The following GABRA3 variants were observed in gnomAD, a reference collection of about 807,000 sequenced individuals.
The protein encoded by GABRA3 is gamma-aminobutyric acid receptor subunit alpha-3.
Under a neutral mutation model 30.1 loss-of-function variants are expected in GABRA3, and 10 were observed. The ratio of observed to expected loss-of-function variants is 0.33; its 90% CI spans 0.20 to 0.56. The LOEUF is 0.56. Ranked by LOEUF, GABRA3 falls within the 20% of genes least tolerant of loss-of-function variation. The pLI is 0.89. For synonymous variants in GABRA3, 151 were observed against 146.8 expected, an observed-to-expected ratio of 1.03 and a Z score of -0.21; for missense variants, 233 against 392.0, an observed-to-expected ratio of 0.59 and a Z score of 3.42.
chrX:152,406,821 T>C (rs1460114742), intron 1 of GABRA3, among the ~76,000 whole-genome samples: 1 of 110,669 alleles, frequency 9.0e-6, no homozygotes, highest in East Asian at 2.8e-4. Context: ...ACTAAGCACA[T>C]GGAACATTCT....
At chrX:152,328,362 T>A (rs1207930893) in intron 3 of GABRA3, among the ~76,000 whole-genome samples, 1 of 111,561 alleles carries the variant, frequency 9.0e-6, no homozygotes, top group Admixed American at 9.5e-5. Flanking sequence ...GGCTAGCATC[T>A]TCCTCATACC....
chrX:152,192,640 A>G (rs1270010302), intron 8 of GABRA3, among the ~76,000 whole-genome samples: 1 of 111,574 alleles, frequency 9.0e-6, no homozygotes, highest in Non-Finnish European at 1.9e-5. Flanking sequence ...GATATTTCAG[A>G]CCACAGCATT....
intron 1 of GABRA3, among the ~76,000 whole-genome samples, chrX:152,365,031 T>C (rs140125864): frequency 0.016 from 1,827 of 111,868 alleles, 16 homozygotes; most frequent in South Asian, 0.03. Flanking sequence ...TCCAATTCCC[T>C]GTTTGATCTT....
intron 1 of GABRA3, among the ~76,000 whole-genome samples, chrX:152,450,402 A>C (rs1290594260): frequency 9.7e-6 from 1 of 102,965 alleles, no homozygotes; most frequent in East Asian, 3.0e-4. Flanking sequence ...GGGGTATCTC[A>C]ATCTCTGATC....
Position 152,337,840 on chromosome X carries a change from A to G in GABRA3, c.262+7741T>C, listed in dbSNP as rs760451497. On this transcript the variant is annotated intron_variant, in intron 3 of 9. Transcript: ENST00000370314. Reference sequence around the variant, plus strand: ...CCTTACAAAAAATTAAAAAACAAACAACAAATAAAAACAGAAAAAAGAGAT... The same window carrying G: ...CCTTACAAAAAATTAAAAAACAAACGACAAATAAAAACAGAAAAAAGAGAT... 4.5e-5 allele frequency among the ~76,000 whole-genome samples: 5 copies of G among 111,535 alleles called. No individual in the cohort carries two copies. The Admixed American group carries it at 4.8e-4, about 11-fold the overall frequency.
chrX:152,430,860 G>A (rs1930636016), intron 1 of GABRA3, among the ~76,000 whole-genome samples: 1 of 110,194 alleles, frequency 9.1e-6, no homozygotes, highest in African/African-American at 3.3e-5. Flanking sequence ...AGCCTAGTAG[G>A]GCCAATATTA....
chrX:152,395,368 G>T (rs1929631639), intron 1 of GABRA3, among the ~76,000 whole-genome samples: 1 of 111,563 alleles, frequency 9.0e-6, no homozygotes, highest in African/African-American at 3.3e-5. Flanking sequence ...CACAGAAGGA[G>T]ATTATGTTTA....
intron 5 of GABRA3, among the ~76,000 whole-genome samples, chrX:152,238,227 T>G (rs1201677874): frequency 2.0e-5 from 2 of 99,707 alleles, no homozygotes; most frequent in African/African-American, 8.3e-5. Flanking sequence ...TGTCAAAGGC[T>G]TTTTCTGCAT....
chrX:152,369,529 G>A (rs939680199), intron 1 of GABRA3, among the ~76,000 whole-genome samples: 3 of 111,134 alleles, frequency 2.7e-5, no homozygotes, highest in African/African-American at 9.8e-5. Flanking sequence ...CTGCACCAGG[G>A]CCTTTGCACC....
chrX:152,219,720 A>T (rs1220882645), intron 6 of GABRA3, among the ~76,000 whole-genome samples: 1 of 111,101 alleles, frequency 9.0e-6, no homozygotes, highest in African/African-American at 3.3e-5. Context: ...TATGCTGCTG[A>T]TGGTAATTCT....
At chrX:152,312,183 T>C (rs1032198099) in intron 3 of GABRA3, among the ~76,000 whole-genome samples, 1 of 111,303 alleles carries the variant, frequency 9.0e-6, no homozygotes, top group African/African-American at 3.3e-5. Flanking sequence ...GCCAAAGAAG[T>C]CCTAAGCAAA....
chrX:152,277,770 GC>G (rs1188145665), intron 4 of GABRA3, among the ~76,000 whole-genome samples: 1 of 111,907 alleles, frequency 8.9e-6, no homozygotes, highest in Non-Finnish European at 1.9e-5. Context: ...TGGGAAAGAC[GC>G]TTAATACATT....
rs751925869 is a variant in GABRA3, at chrX:152,231,866, C to G, written c.552-7021G>C. Among the ~76,000 whole-genome samples, 3 of 111,695 alleles carry G rather than the reference C, an allele frequency of 2.7e-5. No individual in the cohort carries two copies. In the South Asian group the frequency reaches 1.1e-3, roughly 41 times the overall value. On this transcript the variant is annotated intron_variant, in intron 5 of 9. Coordinates refer to ENST00000370314, the MANE Select transcript of GABRA3 (RefSeq NM_000808.4). ...AATACACACAATGGCATGGATGAAT[C>G]TCAAATGTGTTATGCTAAGTGAAAA...
At position 152,237,355 on chromosome X, in the gene GABRA3, A is replaced by C. The variant is rs1938244665; in HGVS notation, c.552-12510T>G. On this transcript the variant is annotated intron_variant, in intron 5 of 9. Coordinates refer to ENST00000370314, the MANE Select transcript of GABRA3 (RefSeq NM_000808.4). ...GCTCTGTTCTGTTCCATTGATCTATATCTCTGTTTTGGTACCAGTACCATG... is the reference window on the plus strand; with the variant it reads ...GCTCTGTTCTGTTCCATTGATCTATCTCTCTGTTTTGGTACCAGTACCATG... 1.9e-5 allele frequency among the ~76,000 whole-genome samples: 2 copies of C among 106,918 alleles called. 1 individual carries two copies. The highest frequency in any genetic ancestry group is 6.9e-5 in the African/African-American group (2 of 28,797). 92.8% of individuals were successfully genotyped at this position (106,918 alleles called of 115,157 possible). A position where few individuals can be genotyped will look rare whatever the true frequency, so the allele number is the denominator to read the frequency against.
At position 152,239,871 on chromosome X, in the gene GABRA3, T is replaced by C. The variant is rs760036079; in HGVS notation, c.552-15026A>G. Among the ~76,000 whole-genome samples, 95 of 102,940 alleles carry C rather than the reference T, an allele frequency of 9.2e-4. 6 individuals carry two copies. Among genetic ancestry groups the C allele is most frequent in the African/African-American group, 3.7e-3 (92 of 25,045 alleles). 89.4% of individuals were successfully genotyped at this position (102,940 alleles called of 115,157 possible). Reference sequence around the variant, plus strand: ...GGTAGATCTTCCTCCATCCTTTTATTTTGAGCCTATGTGTGTCTCTGCACG... The same window carrying C: ...GGTAGATCTTCCTCCATCCTTTTATCTTGAGCCTATGTGTGTCTCTGCACG... On this transcript the variant is annotated intron_variant, in intron 5 of 9. Coordinates refer to ENST00000370314, the MANE Select transcript of GABRA3 (RefSeq NM_000808.4).
chrX:152,447,913 G>A (rs892176020), intron 1 of GABRA3, among the ~76,000 whole-genome samples: 2 of 112,106 alleles, frequency 1.8e-5, no homozygotes, highest in African/African-American at 6.5e-5. Context: ...TTACCAGGCA[G>A]TAAGGACCAA....
chrX:152,395,552 G>A (rs937564711), intron 1 of GABRA3, among the ~76,000 whole-genome samples: 1 of 111,602 alleles, frequency 9.0e-6, no homozygotes, highest in African/African-American at 3.3e-5. Context: ...TTAAGGATAA[G>A]ATGACAGTGG....
chrX:152,271,950 G>C (rs963191450), intron 4 of GABRA3, among the ~76,000 whole-genome samples: 1 of 112,197 alleles, frequency 8.9e-6, no homozygotes, highest in African/African-American at 3.2e-5. Flanking sequence ...GGGAACCTCT[G>C]TCTAGATTTC....
At chrX:152,337,117 G>A (rs910010374) in intron 3 of GABRA3, among the ~76,000 whole-genome samples, 1 of 111,742 alleles carries the variant, frequency 8.9e-6, no homozygotes, top group Non-Finnish European at 1.9e-5. Flanking sequence ...TGGGATACAT[G>A]TGATAATTTA....
Sources: allele counts gnomAD v4.1 joint callset (sites outside exome capture counted in the v4.1 genomes callset), GRCh38; gene constraint gnomAD v4.1.1; transcripts MANE v1.5; gene names NCBI Gene and HGNC (gene_info 2026-07-23, HGNC 2026-07-21).